The following LRRTM3 variants were observed in gnomAD, a reference collection of about 807,000 sequenced individuals.
LRRTM3 encodes the protein leucine rich repeat transmembrane neuronal 3.
LRRTM3 carries 24 observed loss-of-function variants against 44.7 expected under a neutral mutation model. The observed-to-expected ratio is 0.54, with a 90% CI of 0.39 to 0.76. LRRTM3 has a LOEUF of 0.76. Ranked by LOEUF, LRRTM3 falls within the 30% of genes least tolerant of loss-of-function variation. LRRTM3 has a pLI of 0.00. For missense variants in LRRTM3, 587 were observed against 702.2 expected (o/e 0.84, Z 1.85); for synonymous variants, 277 against 278.7 (o/e 0.99, Z 0.06).
intron 2 of LRRTM3, among the ~76,000 whole-genome samples, chr10:66,951,005 T>C (rs1178984920): frequency 6.6e-6 from 1 of 152,172 alleles, no homozygotes; most frequent in African/African-American, 2.4e-5. Context: ...ATGGTATGCT[T>C]ATTTAAATAC....
intron 2 of LRRTM3, among the ~76,000 whole-genome samples, chr10:67,095,647 A>G (rs1162775213): frequency 2.0e-5 from 3 of 151,894 alleles, no homozygotes; most frequent in African/African-American, 7.2e-5. Context: ...TATTCACAGT[A>G]GAGTTAATTC....
intron 2 of LRRTM3, among the ~76,000 whole-genome samples, chr10:67,074,034 CTTTTT>C (rs35411851): frequency 9.1e-6 from 1 of 109,436 alleles, no homozygotes. Context: ...CATTTTAACT[CTTTTT>C]TTTTTTTTTT....
At chr10:66,981,274 T>C (rs61866216) in intron 2 of LRRTM3, among the ~76,000 whole-genome samples, 30,485 of 152,254 alleles carry the variant, frequency 0.2, 3,479 homozygotes, top group Middle Eastern at 0.32. Flanking sequence ...TAAAAATGAA[T>C]GATTACATTT....
intron 2 of LRRTM3, among the ~76,000 whole-genome samples, chr10:66,974,755 C>T (rs1589526075): frequency 6.6e-6 from 1 of 151,080 alleles, no homozygotes; most frequent in African/African-American, 2.4e-5. Flanking sequence ...TTTAATTTCC[C>T]TAATGACTAA....
chr10:66,984,970 A>G (rs554392965), intron 2 of LRRTM3, among the ~76,000 whole-genome samples: 2 of 152,196 alleles, frequency 1.3e-5, no homozygotes, highest in Non-Finnish European at 1.5e-5. Context: ...CTCATTTCCT[A>G]CAATCCTCTC....
At chr10:67,086,086 TG>T (rs1254580934) in intron 2 of LRRTM3, among the ~76,000 whole-genome samples, 3 of 151,980 alleles carry the variant, frequency 2.0e-5, no homozygotes, top group African/African-American at 7.2e-5. Context: ...TAATGATGGA[TG>T]GATATGATAT....
chr10:67,061,454 C>G (rs1363131444), intron 2 of LRRTM3, among the ~76,000 whole-genome samples: 1 of 152,126 alleles, frequency 6.6e-6, no homozygotes, highest in Non-Finnish European at 1.5e-5. Flanking sequence ...TTTTATTTTT[C>G]TCTCTCCTGC....
At chr10:66,938,930 G>A (rs915531476) in intron 2 of LRRTM3, among the ~76,000 whole-genome samples, 3 of 152,046 alleles carry the variant, frequency 2.0e-5, no homozygotes, top group Non-Finnish European at 2.9e-5. Flanking sequence ...ATCTCTCCCC[G>A]TCCACATCCT....
At chr10:67,061,916 G>A (rs1855778228) in intron 2 of LRRTM3, among the ~76,000 whole-genome samples, 1 of 151,394 alleles carries the variant, frequency 6.6e-6, no homozygotes, top group Non-Finnish European at 1.5e-5. Context: ...TTGGTGCAAA[G>A]TATTAGAAAA....
rs117771951 is a variant in LRRTM3 at position 67,024,834 on chromosome 10, A to G, written c.1537-72753A>G. On this transcript the variant is annotated intron_variant, in intron 2 of 2. Coordinates refer to ENST00000361320, the MANE Select transcript of LRRTM3 (RefSeq NM_178011.5). The stretch of plus-strand genomic sequence containing the variant: ...TATAACCAATATTAATGAATTTTAA[A>G]AGAAACCACAAGAGGCCGGGTGGGG... Among the ~76,000 whole-genome samples the G allele has an allele frequency of 7.7e-3, 1,178 of 152,258 alleles. 41 individuals are homozygous for G. In the East Asian group the frequency reaches 0.11, roughly 15 times the overall value.
chr10:66,959,987 G>A (rs1413512243), intron 2 of LRRTM3, among the ~76,000 whole-genome samples: 1 of 152,078 alleles, frequency 6.6e-6, no homozygotes, highest in Non-Finnish European at 1.5e-5. Flanking sequence ...AGGCTAGTCT[G>A]TACTGAGTTT....
At chr10:67,008,104 T>C (rs1852114437) in intron 2 of LRRTM3, among the ~76,000 whole-genome samples, 1 of 152,022 alleles carries the variant, frequency 6.6e-6, no homozygotes, top group African/African-American at 2.4e-5. Flanking sequence ...CCCATCTTTA[T>C]CCTGCAGTAG....
Position 66,927,063 on chromosome 10 carries a change from T to C in LRRTM3, c.147T>C (p.Ser49=), listed in dbSNP as rs1161173288. The C allele has an allele frequency of 6.2e-7, 1 of 1,614,058 alleles. No individual in the cohort carries two copies. Among genetic ancestry groups the C allele is most frequent in the Non-Finnish European group, 8.5e-7 (1 of 1,180,046 alleles). ...RCEGKMVYCE[S]QKLQEIPSSI... is the part of the protein sequence containing the mutation. ...AAGGCAAAATGGTATATTGTGAATC[T>C]CAGAAATTACAGGAGATACCCTCAA... is the stretch of plus-strand genomic sequence containing the variant. The change falls in exon 2 of 3, where the codon TCT becomes TCC. Residue 49 remains serine (S), a synonymous_variant. Coordinates refer to ENST00000361320, the MANE Select transcript of LRRTM3 (RefSeq NM_178011.5). This position sits in a 1 kb window ranked among gnomAD's most constrained non-coding sequence, Gnocchi z 4.7.
At chr10:67,028,062 T>C (rs1853498774) in intron 2 of LRRTM3, among the ~76,000 whole-genome samples, 1 of 152,160 alleles carries the variant, frequency 6.6e-6, no homozygotes, top group Admixed American at 6.5e-5. Context: ...GAGGGAACTA[T>C]CCAAGGTCAC....
chr10:67,072,510 G>A (rs1856521087), intron 2 of LRRTM3, among the ~76,000 whole-genome samples: 1 of 152,152 alleles, frequency 6.6e-6, no homozygotes, highest in South Asian at 2.1e-4. Context: ...TTCCACCAGA[G>A]CAGGTTTCTC....
chr10:67,006,252 T>C (rs545384360), intron 2 of LRRTM3, among the ~76,000 whole-genome samples: 1 of 152,220 alleles, frequency 6.6e-6, no homozygotes, highest in South Asian at 2.1e-4. Flanking sequence ...TCCAAAGCTG[T>C]ACTCTCTTCT....
chr10:66,951,514 C>T (rs1174890854), intron 2 of LRRTM3, among the ~76,000 whole-genome samples: 1 of 152,146 alleles, frequency 6.6e-6, no homozygotes, highest in Non-Finnish European at 1.5e-5. Context: ...GAGATAGGTA[C>T]TGTTTACTCA....
intron 2 of LRRTM3, among the ~76,000 whole-genome samples, chr10:66,947,937 A>G (rs565646703): frequency 1.3e-5 from 2 of 152,338 alleles, no homozygotes; most frequent in African/African-American, 4.8e-5. Flanking sequence ...ACAGTCTACT[A>G]CACACCTAGG....
chr10:66,941,709 T>G (rs2132682501), intron 2 of LRRTM3, among the ~76,000 whole-genome samples: 1 of 152,310 alleles, frequency 6.6e-6, no homozygotes, highest in Admixed American at 6.5e-5. Flanking sequence ...TTGACCGCAC[T>G]GCCCGTGCCA....
Sources: gnomAD v4.1 joint callset for allele counts (sites outside exome capture counted in the v4.1 genomes callset) on GRCh38, gnomAD v4.1.1 for gene constraint, Gnocchi (gnomAD v3.1) non-coding constraint, MANE v1.5 for transcripts, NCBI Gene and HGNC (gene_info 2026-07-23, HGNC 2026-07-21) for gene names.